AP5B1: variants seen among roughly 807,000 people sequenced by gnomAD.
The protein encoded by AP5B1 is adaptor related protein complex 5 subunit beta 1, also known as AP-5 complex subunit beta-1.
Under a neutral mutation model 5.7 loss-of-function variants are expected in AP5B1, and 3 were observed. The observed-to-expected ratio is 0.53, with a 90% CI of 0.24 to 1.36. The LOEUF is 1.36. AP5B1 is among the 40% of genes most tolerant of loss of function. The pLI is 0.17. For missense variants in AP5B1, 1,310 were observed against 1,143.2 expected (o/e 1.15, Z -2.10); for synonymous variants, 696 against 555.5 (o/e 1.25, Z -3.56).
At position 65,780,151 on chromosome 11, in the gene AP5B1, C is replaced by G. The variant is rs1444849205; in HGVS notation, c.342G>C (p.Ser114=). 3 of 1,474,114 alleles carry G rather than the reference C, an allele frequency of 2.0e-6. No individual in the cohort carries two copies. Among genetic ancestry groups the G allele is most frequent in the East Asian group, 5.3e-5 (2 of 37,778 alleles). 91.3% of individuals were successfully genotyped at this position (1,474,114 alleles called of 1,614,324 possible). A position where few individuals can be genotyped will look rare whatever the true frequency, so the allele number is the denominator to read the frequency against. The change falls in exon 2 of 2, where the codon TCG becomes TCC. Residue 114 remains serine (S), a synonymous_variant. Coordinates refer to ENST00000532090, the MANE Select transcript of AP5B1 (RefSeq NM_138368.5). ...LAAGGALGPT[S]GASCRLLPLL... The stretch of plus-strand genomic sequence containing the variant: ...GGGGCAGGAGCCGGCAGGAGGCGCC[C>G]GAGGTGGGGCCCAGCGCGCCGCCCG...
rs1325063363 is a variant in AP5B1 at position 65,777,984 on chromosome 11, C to T, written c.2509G>A (p.Asp837Asn). Residue 837 changes from aspartate (D) to asparagine (N), a missense_variant, in exon 2 of 2, where the codon GAC (aspartate) becomes AAC (asparagine). Transcript: ENST00000532090. ...TCCAGCCGCAGCAGCAGCTTTGAGT[C>T]CGGGGGCAGGTGGATTGCTACACAG... ...SYCVAIHLPP[D>N]SKLLLRLEAA... is the part of the protein sequence containing the mutation. The T allele has an allele frequency of 6.2e-7, 1 of 1,608,792 alleles. No individual in the cohort carries two copies. The highest frequency in any genetic ancestry group is 8.5e-7 in the Non-Finnish European group (1 of 1,178,236).
At position 65,780,270 on chromosome 11, in the gene AP5B1, C is replaced by T; in HGVS notation, c.223G>A (p.Ala75Thr). 2.0e-6 allele frequency: 3 copies of T among 1,501,236 alleles called. No individual in the cohort carries two copies. The highest frequency in any genetic ancestry group is 2.5e-5 in the East Asian group (1 of 39,318). 93.0% of individuals were successfully genotyped at this position (1,501,236 alleles called of 1,614,324 possible). A position where few individuals can be genotyped will look rare whatever the true frequency, so the allele number is the denominator to read the frequency against. The stretch of plus-strand genomic sequence containing the variant: ...ACCAAGGTGTCCAACAGGGAGGTGG[C>T]GGCCACTTCGGCCGCAGAGGCGTCG... ...WPDASAAEVA[A>T]TSLLDTLVLL... Residue 75 changes from alanine to threonine, a missense_variant, in exon 2 of 2, where the codon GCC becomes ACC. Transcript: ENST00000532090.
chr11:65,775,797 T>C lies in AP5B1; in HGVS notation c.*2059A>G, dbSNP rs1032896549. On this transcript the variant is annotated 3_prime_UTR_variant, in exon 2 of 2. Transcript: ENST00000532090. ...GACCCCTTCCTGATTTGGAAATGAC[T>C]TGCCGAGGTGACAAAGCAAGTTATT... 6.6e-6 allele frequency: 1 copy of C among 152,192 alleles called. No individual in the cohort carries two copies. Among genetic ancestry groups the C allele is most frequent in the African/African-American group, 2.4e-5 (1 of 41,454 alleles). 9.4% of individuals were successfully genotyped at this position (152,192 alleles called of 1,614,324 possible).
rs1857827525 is a variant in AP5B1 at position 65,779,996 on chromosome 11, C to T, written c.497G>A (p.Gly166Glu). 2.6e-6 allele frequency: 4 copies of T among 1,567,672 alleles called. No homozygotes were observed. The highest frequency in any genetic ancestry group is 1.7e-4 in the Middle Eastern group (1 of 5,950). ...ELESCKPGLLGGSLGLLRGLL... is the reference protein window; with the variant it reads ...ELESCKPGLLEGSLGLLRGLL... ...GCCCCGCAGCAACCCCAGGGAGCCC[C>T]CCAGCAGCCCGGGCTTGCAGCTCTC... Residue 166 changes from glycine to glutamate, a missense_variant, in exon 2 of 2, where the codon GGG (glycine) becomes GAG (glutamate). Transcript: ENST00000532090.
In AP5B1 at chr11:65,777,448, G is replaced by A. The variant is rs555761772; in HGVS notation, c.*408C>T. The A allele has an allele frequency of 1.1e-5, 2 of 188,262 alleles. No individual in the cohort carries two copies. Among genetic ancestry groups the A allele is most frequent in the East Asian group, 1.4e-4 (1 of 7,332 alleles). 11.7% of individuals were successfully genotyped at this position (188,262 alleles called of 1,614,324 possible). ...AACAGTATAAGATTAGACCCTAAGA[G>A]GTGGTCAGGCCACGAGGGCTCTGCC... On this transcript the variant is annotated 3_prime_UTR_variant, in exon 2 of 2. Coordinates refer to ENST00000532090, the MANE Select transcript of AP5B1 (RefSeq NM_138368.5).
chr11:65,778,467 G>GGCCCTTGACCCGATGGGACCCC lies in AP5B1; in HGVS notation c.2004_2025dup (p.Pro676GlyfsTer115). On this transcript the variant is annotated frameshift_variant, in exon 2 of 2. Transcript: ENST00000532090. LOFTEE classifies it low-confidence loss of function (END_TRUNC). Reference sequence around the variant, plus strand: ...GGCTGGAGCTTCAACACTGGGAGTGGGCCCTTGACCCGATGGGACCCCAGG... The same window carrying GGCCCTTGACCCGATGGGACCCC: ...GGCTGGAGCTTCAACACTGGGAGTGGGCCCTTGACCCGATGGGACCCCGCCCTTGACCCGATGGGACCCCAGG... 6.4e-7 allele frequency: 1 copy of GGCCCTTGACCCGATGGGACCCC among 1,572,666 alleles called. No individual in the cohort carries two copies. The highest frequency in any genetic ancestry group is 1.3e-5 in the African/African-American group (1 of 74,288).
chr11:65,780,610 C>A lies in AP5B1; in HGVS notation c.-19G>T. 4.3e-6 allele frequency: 6 copies of A among 1,404,386 alleles called. No individual in the cohort carries two copies. The highest frequency in any genetic ancestry group is 5.6e-6 in the Non-Finnish European group (6 of 1,080,986). The allele number at this position is 1,404,386 out of a possible 1,614,324, so 87.0% of individuals were successfully genotyped here. A position where few individuals can be genotyped will look rare whatever the true frequency, so the allele number is the denominator to read the frequency against. ...GCCCCATGGTGAGGCGCGCGGGCCC[C>A]TGCGCAGGGAAGAGGGACCCTCAGG... is the stretch of plus-strand genomic sequence containing the variant. On this transcript the variant is annotated 5_prime_UTR_variant, in exon 1 of 2. In the 5' UTR this introduces an upstream ATG that the reference lacks. Coordinates refer to ENST00000532090, the MANE Select transcript of AP5B1 (RefSeq NM_138368.5).
In AP5B1 at chr11:65,779,587, T is replaced by C. The variant is rs780866167; in HGVS notation, c.906A>G (p.Gly302=). 6.2e-7 allele frequency: 1 copy of C among 1,606,828 alleles called. No homozygotes were observed. The highest frequency in any genetic ancestry group is 1.1e-5 in the South Asian group (1 of 90,752). Residue 302 remains glycine (G), a synonymous_variant, in exon 2 of 2, where the codon GGA becomes GGG. Coordinates refer to ENST00000532090, the MANE Select transcript of AP5B1 (RefSeq NM_138368.5). ...LLGWALRGLQ[G]QPPALFKPQL... ...GCGGCTTGAAGAGTGCCGGTGGCTG[T>C]CCCTGCAGACCCCGCAGGGCCCAGC...
Position 65,776,921 on chromosome 11 carries a change from G to A in AP5B1, c.*935C>T, listed in dbSNP as rs1857771403. 1.3e-5 allele frequency: 2 copies of A among 152,200 alleles called. No homozygotes were observed. Among genetic ancestry groups the A allele is most frequent in the Non-Finnish European group, 2.9e-5 (2 of 68,070 alleles). The allele number at this position is 152,200 out of a possible 1,614,324, so 9.4% of individuals were successfully genotyped here. On this transcript the variant is annotated 3_prime_UTR_variant, in exon 2 of 2. Coordinates refer to ENST00000532090, the MANE Select transcript of AP5B1 (RefSeq NM_138368.5). ...AGGCAGAAGAGTCATTTAAGCCCAG[G>A]AGTTCGAGACCAGCCTAGGAAACAG...
chr11:65,778,179 G>A lies in AP5B1; in HGVS notation c.2314C>T (p.Gln772Ter). 2 of 1,613,138 alleles carry A rather than the reference G, an allele frequency of 1.2e-6. No individual in the cohort carries two copies. The highest frequency in any genetic ancestry group is 1.7e-6 in the Non-Finnish European group (2 of 1,179,898). ...CCCAGCCCGGCCCCCTCTGGAGGCT[G>A]CGGGAAAGGCAGAAAGAGGTCGGCA... ...NFADLFLPFP[Q>*]PPEGAGLGFF... Residue 772 changes from glutamine (Q) to a stop codon, truncating the protein, a stop_gained, in exon 2 of 2, where the codon CAG becomes TAG. Coordinates refer to ENST00000532090, the MANE Select transcript of AP5B1 (RefSeq NM_138368.5). LOFTEE classifies it low-confidence loss of function (END_TRUNC).
rs1857766550 is a variant in AP5B1 at position 65,776,459 on chromosome 11, G to T, written c.*1397C>A. 1 of 152,202 alleles carries T rather than the reference G, an allele frequency of 6.6e-6. No individual in the cohort carries two copies. Among genetic ancestry groups the T allele is most frequent in the Non-Finnish European group, 1.5e-5 (1 of 68,046 alleles). The allele number at this position is 152,202 out of a possible 1,614,324, so 9.4% of individuals were successfully genotyped here. ...CTCCTGCCTACGGATTTCCTCATCTGCGGGGCCCTGCAGAGCTGTTGCAAG... is the reference window on the plus strand; with the variant it reads ...CTCCTGCCTACGGATTTCCTCATCTTCGGGGCCCTGCAGAGCTGTTGCAAG... On this transcript the variant is annotated 3_prime_UTR_variant, in exon 2 of 2. Coordinates refer to ENST00000532090, the MANE Select transcript of AP5B1 (RefSeq NM_138368.5).
rs374727026 is a variant in AP5B1 at position 65,778,212 on chromosome 11, C to T, written c.2281G>A (p.Val761Met). ...TCHAHLPPLF[V>M]NFADLFLPFP... is the part of the protein sequence containing the mutation. ...GGCAGAAAGAGGTCGGCAAAGTTCA[C>T]GAACAGGGGTGGCAAGTGGGCATGG... Residue 761 changes from valine (V) to methionine (M), a missense_variant, in exon 2 of 2, where the codon GTG (valine) becomes ATG (methionine). Val to Met is a conservative substitution (Grantham distance 21, BLOSUM62 1). Transcript: ENST00000532090. 28 of 1,613,220 alleles carry T rather than the reference C, an allele frequency of 1.7e-5. No homozygotes were observed. The highest frequency in any genetic ancestry group is 4.4e-5 in the South Asian group (4 of 91,094).
chr11:65,780,543 G>T lies in AP5B1; in HGVS notation c.49C>A (p.Arg17=). ...GCCATGAAGGCAGACGGGCTGGCCCGGAAGGCCCCCAAGCGCTGGGCCCAG... is the reference window on the plus strand; with the variant it reads ...GCCATGAAGGCAGACGGGCTGGCCCTGAAGGCCCCCAAGCGCTGGGCCCAG... The part of the protein sequence containing the change: ...DAWAQRLGAF[R]ASPSAFMAGP... The change falls in exon 1 of 2, where the codon CGG becomes AGG. Residue 17 remains arginine (R), a synonymous_variant. Coordinates refer to ENST00000532090, the MANE Select transcript of AP5B1 (RefSeq NM_138368.5). 3 of 1,509,200 alleles carry T rather than the reference G, an allele frequency of 2.0e-6. No individual in the cohort carries two copies. Among genetic ancestry groups the T allele is most frequent in the South Asian group, 1.2e-5 (1 of 80,734 alleles). 93.5% of individuals were successfully genotyped at this position (1,509,200 alleles called of 1,614,324 possible).
In AP5B1 at chr11:65,778,578, C is replaced by A. The variant is rs1857797813; in HGVS notation, c.1915G>T (p.Ala639Ser). Residue 639 changes from alanine (A) to serine (S), a missense_variant, in exon 2 of 2, where the codon GCA (alanine) becomes TCA (serine). Transcript: ENST00000532090. The stretch of plus-strand genomic sequence containing the variant: ...TCGGCCACCAGTGAAGAGGCCAGTG[C>A]AGGTGCGGCAAGCGAGGGGCCCAGG... ...VALGPSLAAP[A>S]LASSLVAENQ... 2 of 1,589,320 alleles carry A rather than the reference C, an allele frequency of 1.3e-6. No homozygotes were observed. Among genetic ancestry groups the A allele is most frequent in the Admixed American group, 1.8e-5 (1 of 56,338 alleles).
In AP5B1 at chr11:65,774,400, T is replaced by C. The variant is rs946492050; in HGVS notation, c.*3456A>G. On this transcript the variant is annotated 3_prime_UTR_variant, in exon 2 of 2. Coordinates refer to ENST00000532090, the MANE Select transcript of AP5B1 (RefSeq NM_138368.5). ...GCAATGACATATTTTGCCCCAAAAC[T>C]GACCCCTTCACATTTCTTTTTTCTT... 1.3e-5 allele frequency among the ~76,000 whole-genome samples: 2 copies of C among 152,136 alleles called. No homozygotes were observed. The highest frequency in any genetic ancestry group is 4.8e-5 in the African/African-American group (2 of 41,430).
At position 65,780,852 on chromosome 11, in the gene AP5B1, T is replaced by G; in HGVS notation, c.-261A>C. The G allele has an allele frequency of 1.5e-4, 35 of 235,242 alleles. No individual in the cohort carries two copies. Among genetic ancestry groups the G allele is most frequent in the South Asian group, 1.8e-4 (1 of 5,504 alleles). The allele number at this position is 235,242 out of a possible 1,614,324, so 14.6% of individuals were successfully genotyped here. ...CCGAGAGCTCGTTAGGCCGCCTCCC[T>G]CCCGCCCGCGGCCCGCACCGAAACC... On this transcript the variant is annotated 5_prime_UTR_variant, in exon 1 of 2. Coordinates refer to ENST00000532090, the MANE Select transcript of AP5B1 (RefSeq NM_138368.5).
chr11:65,773,999 C>T lies in AP5B1; in HGVS notation c.*3857G>A, dbSNP rs1857736994. On this transcript the variant is annotated 3_prime_UTR_variant, in exon 2 of 2. Coordinates refer to ENST00000532090, the MANE Select transcript of AP5B1 (RefSeq NM_138368.5). The stretch of plus-strand genomic sequence containing the variant: ...CCCTTGCTTGGCATGGCCTTAGGTC[C>T]TGTTTACAATTTGGTATCTTATTGC... Among the ~76,000 whole-genome samples the T allele has an allele frequency of 6.6e-6, 1 of 152,116 alleles. No individual in the cohort carries two copies. Among genetic ancestry groups the T allele is most frequent in the Non-Finnish European group, 1.5e-5 (1 of 68,026 alleles).
Position 65,778,010 on chromosome 11 carries a change from T to C in AP5B1, c.2483A>G (p.Tyr828Cys). 6.2e-7 allele frequency: 1 copy of C among 1,612,344 alleles called. No homozygotes were observed. The highest frequency in any genetic ancestry group is 2.2e-5 in the East Asian group (1 of 44,866). Residue 828 changes from tyrosine to cysteine, a missense_variant, in exon 2 of 2, where the codon TAC (tyrosine) becomes TGC (cysteine). Tyr to Cys is a radical substitution (Grantham distance 194). Transcript: ENST00000532090. ...CGGGGGCAGGTGGATTGCTACACAG[T>C]AGCTGGTAGGAGGCTGGGCCACCAC... The part of the protein sequence containing the change: ...FVVVAQPPTS[Y>C]CVAIHLPPDS...
In AP5B1 at chr11:65,777,797, G is replaced by T; in HGVS notation, c.*59C>A. ...GCAGGGTTTTGGCGACAGAGCTACA[G>T]GAGTGTGCCTTGGCCCCCACAAGGG... On this transcript the variant is annotated 3_prime_UTR_variant, in exon 2 of 2. Coordinates refer to ENST00000532090, the MANE Select transcript of AP5B1 (RefSeq NM_138368.5). 6.9e-7 allele frequency: 1 copy of T among 1,445,236 alleles called. No homozygotes were observed. Among genetic ancestry groups the T allele is most frequent in the Non-Finnish European group, 9.1e-7 (1 of 1,096,006 alleles). The allele number at this position is 1,445,236 out of a possible 1,614,324, so 89.5% of individuals were successfully genotyped here.
Sources: allele counts gnomAD v4.1 joint callset (sites outside exome capture counted in the v4.1 genomes callset), GRCh38; gene constraint gnomAD v4.1.1; transcripts MANE v1.5; gene names NCBI Gene and HGNC (gene_info 2026-07-23, HGNC 2026-07-21).